Variants in SKAP1 observed in about 807,000 individuals in gnomAD.
The protein encoded by SKAP1 is src kinase associated phosphoprotein 1.
SKAP1 carries 44 observed loss-of-function variants against 58.5 expected under a neutral mutation model. The ratio of observed to expected loss-of-function variants is 0.75; its 90% CI spans 0.59 to 0.97. The LOEUF (loss-of-function observed/expected upper bound fraction) is 0.97, where lower values mean the gene tolerates loss of function less well. Ranked by LOEUF, SKAP1 falls within the 50% of genes least tolerant of loss-of-function variation. SKAP1 has a pLI of 0.00. For missense variants in SKAP1, 390 were observed against 435.2 expected, an observed-to-expected ratio of 0.90 and a Z score of 0.92; for synonymous variants, 127 against 149.7, an observed-to-expected ratio of 0.85 and a Z score of 1.11.
At chr17:48,176,371 G>T (rs948539466) in intron 9 of SKAP1, among the ~76,000 whole-genome samples, 1 of 152,194 alleles carries the variant, frequency 6.6e-6, no homozygotes, top group Non-Finnish European at 1.5e-5. Context: ...CAGACAAAGC[G>T]AAACCTGACA....
intron 4 of SKAP1, among the ~76,000 whole-genome samples, chr17:48,324,034 T>C (rs2066400770): frequency 6.6e-6 from 1 of 152,120 alleles, no homozygotes; most frequent in African/African-American, 2.4e-5. Context: ...ACTTCTAGCA[T>C]GCTTATTTGA....
chr17:48,263,413 G>C (rs1269363293), intron 4 of SKAP1, among the ~76,000 whole-genome samples: 1 of 151,936 alleles, frequency 6.6e-6, no homozygotes, highest in Non-Finnish European at 1.5e-5. Context: ...TAAGAACATT[G>C]GGTCTCTTTA....
chr17:48,347,801 T>A (rs1261949011), intron 3 of SKAP1, among the ~76,000 whole-genome samples: 1 of 151,970 alleles, frequency 6.6e-6, no homozygotes, highest in East Asian at 1.9e-4. Flanking sequence ...TCACTGGAAG[T>A]CCACTAAAAT....
chr17:48,150,573 G>C (rs1330870340), intron 11 of SKAP1, among the ~76,000 whole-genome samples: 1 of 152,134 alleles, frequency 6.6e-6, no homozygotes, highest in Admixed American at 6.5e-5. Context: ...TTCCCAGTCC[G>C]TTCCATTTTC....
At chr17:48,227,773 G>C (rs1465373916) in intron 4 of SKAP1, among the ~76,000 whole-genome samples, 8 of 152,198 alleles carry the variant, frequency 5.3e-5, no homozygotes, top group Admixed American at 5.2e-4. Context: ...TGCAGCCAGA[G>C]AGCCTGCTCT....
chr17:48,226,673 C>T (rs2065072598), intron 4 of SKAP1, among the ~76,000 whole-genome samples: 1 of 152,164 alleles, frequency 6.6e-6, no homozygotes, highest in Non-Finnish European at 1.5e-5. Context: ...TGCTAACAAG[C>T]TTACTGTGCA....
intron 7 of SKAP1, among the ~76,000 whole-genome samples, chr17:48,183,342 C>T (rs988785091): frequency 6.6e-6 from 1 of 151,830 alleles, no homozygotes; most frequent in Non-Finnish European, 1.5e-5. Flanking sequence ...ACCATGGTAA[C>T]GATTTGGATT....
At chr17:48,232,725 C>G (rs1212110333) in intron 4 of SKAP1, among the ~76,000 whole-genome samples, 12 of 152,090 alleles carry the variant, frequency 7.9e-5, no homozygotes, top group African/African-American at 1.4e-4. Flanking sequence ...TGTCATGTCA[C>G]TAGGAGAAAA....
chr17:48,197,911 C>T (rs1202124314), intron 4 of SKAP1, among the ~76,000 whole-genome samples: 12 of 152,208 alleles, frequency 7.9e-5, no homozygotes, highest in African/African-American at 2.9e-4. Flanking sequence ...CACATCTTCA[C>T]TTTCCGTGGG....
At chr17:48,272,657 G>A (rs1472221604) in intron 4 of SKAP1, among the ~76,000 whole-genome samples, 1 of 152,140 alleles carries the variant, frequency 6.6e-6, no homozygotes, top group Non-Finnish European at 1.5e-5. Flanking sequence ...TTGGGCTCAA[G>A]TGATCCTCCT....
chr17:48,288,466 A>T (rs2144066598), intron 4 of SKAP1, among the ~76,000 whole-genome samples: 1 of 152,312 alleles, frequency 6.6e-6, no homozygotes, highest in African/African-American at 2.4e-5. Flanking sequence ...TGGGTGGATC[A>T]TCTGGGGTCA....
At chr17:48,212,711 G>A (rs1230399229) in intron 4 of SKAP1, among the ~76,000 whole-genome samples, 1 of 152,210 alleles carries the variant, frequency 6.6e-6, no homozygotes, top group Non-Finnish European at 1.5e-5. Flanking sequence ...TGACTAGGAT[G>A]ATTTTAAAAG....
At chr17:48,302,696 A>G (rs922888599) in intron 4 of SKAP1, among the ~76,000 whole-genome samples, 1 of 152,228 alleles carries the variant, frequency 6.6e-6, no homozygotes, top group African/African-American at 2.4e-5. Flanking sequence ...CACCAAAAAT[A>G]CAAAGAATCC....
chr17:48,315,807 C>A (rs1035949413), intron 4 of SKAP1, among the ~76,000 whole-genome samples: 5 of 152,122 alleles, frequency 3.3e-5, no homozygotes, highest in Non-Finnish European at 7.4e-5. Context: ...TATTTAAAAT[C>A]TTGTATAAAG....
At chr17:48,178,078 G>A (rs2064315763) in intron 9 of SKAP1, among the ~76,000 whole-genome samples, 1 of 152,152 alleles carries the variant, frequency 6.6e-6, no homozygotes, top group Admixed American at 6.5e-5. Context: ...GGGCGGTGCT[G>A]CATTGGCCAA....
intron 10 of SKAP1, among the ~76,000 whole-genome samples, chr17:48,164,004 C>A (rs762954071): frequency 6.6e-6 from 1 of 152,094 alleles, no homozygotes; most frequent in Non-Finnish European, 1.5e-5. Flanking sequence ...GTGCAGTAGA[C>A]AACAGAGGGC....
Position 48,162,566 on chromosome 17 carries a change from T to C in SKAP1, c.881A>G (p.Asp294Gly), listed in dbSNP as rs1392957226. Residue 294 changes from aspartate (D) to glycine (G), a missense_variant, in exon 11 of 13, where the codon GAC becomes GGC. Asp to Gly is a moderately conservative substitution (Grantham distance 94, BLOSUM62 -1). Coordinates refer to ENST00000336915, the MANE Select transcript of SKAP1 (RefSeq NM_003726.4). ...TAGGCCCTGGTAGTAACTGGCATAGTCTACTGATCAAAGAGAGGAGAAATC... is the reference window on the plus strand; with the variant it reads ...TAGGCCCTGGTAGTAACTGGCATAGCCTACTGATCAAAGAGAGGAGAAATC... ...DESGTRRKGV[D>G]YASYYQGLWD... 3 of 1,610,274 alleles carry C rather than the reference T, an allele frequency of 1.9e-6. No individual in the cohort carries two copies. The highest frequency in any genetic ancestry group is 2.5e-6 in the Non-Finnish European group (3 of 1,177,302).
At chr17:48,134,690 G>C (rs34949267) in intron 12 of SKAP1, among the ~76,000 whole-genome samples, 84,405 of 151,910 alleles carry the variant, frequency 0.56, 24,515 homozygotes, top group East Asian at 0.77. Context: ...AGAGTGAAAA[G>C]GGTGAATTTG....
chr17:48,197,774 C>T (rs2064658057), intron 4 of SKAP1, among the ~76,000 whole-genome samples: 1 of 152,170 alleles, frequency 6.6e-6, no homozygotes, highest in African/African-American at 2.4e-5. Flanking sequence ...CTCAGTAATG[C>T]CAAGCCACAA....
Sources: allele counts gnomAD v4.1 joint callset (sites outside exome capture counted in the v4.1 genomes callset), GRCh38; gene constraint gnomAD v4.1.1; transcripts MANE v1.5; gene names NCBI Gene and HGNC (gene_info 2026-07-23, HGNC 2026-07-21).